Variants in EGFR observed in about 807,000 individuals in gnomAD.
EGFR encodes the protein avian erythroblastic leukemia viral (v-erb-b) oncogene homolog.
Under a neutral mutation model 143.0 loss-of-function variants are expected in EGFR, and 58 were observed. The ratio of observed to expected loss-of-function variants is 0.41; its 90% CI spans 0.33 to 0.50. The LOEUF is 0.50. Among genes scored for constraint, EGFR ranks in the 20% least tolerant of loss-of-function variants. The pLI is 0.39. For missense variants in EGFR, 1,307 were observed against 1,579.0 expected, an observed-to-expected ratio of 0.83 and a Z score of 2.92; for synonymous variants, 613 against 594.4, an observed-to-expected ratio of 1.03 and a Z score of -0.45.
At chr7:55,201,042 T>C (rs1787823696) in intron 24 of EGFR, 146 bp from the exon 25 acceptor site, 1 of 965,202 alleles carries the variant, frequency 1.0e-6, no homozygotes, top group African/African-American at 1.6e-5. Flanking sequence ...GAGGCAGCTA[T>C]AATTTAGAGA....
intron 16 of EGFR, among the ~76,000 whole-genome samples, chr7:55,172,533 G>A (rs1307423098): frequency 1.3e-5 from 2 of 151,690 alleles, no homozygotes; most frequent in Non-Finnish European, 2.9e-5. Flanking sequence ...TCTCAGCATT[G>A]CCAAAAAGTC....
rs1785438597 is a variant in EGFR at position 55,156,750 on chromosome 7, T to C, written c.1134-9T>C. 1 of 1,614,084 alleles carries C rather than the reference T, an allele frequency of 6.2e-7. No homozygotes were observed. Among genetic ancestry groups the C allele is most frequent in the South Asian group, 1.1e-5 (1 of 91,090 alleles). ...TGGTGATCAATAATCACCCTGTTGT[T>C]TGTTTCAGTGACTCCTTCACACATA... On this transcript the variant is annotated splice_polypyrimidine_tract_variant and intron_variant, in intron 9 of 27. Coordinates refer to ENST00000275493, the MANE Select transcript of EGFR (RefSeq NM_005228.5).
intron 22 of EGFR, among the ~76,000 whole-genome samples, chr7:55,194,773 T>C (rs1431302989): frequency 6.6e-6 from 1 of 152,234 alleles, no homozygotes; most frequent in African/African-American, 2.4e-5. Context: ...AGGAAGTCCG[T>C]TCCCACTGAA....
chr7:55,080,920 G>T (rs771387060), intron 1 of EGFR, among the ~76,000 whole-genome samples: 7 of 152,176 alleles, frequency 4.6e-5, no homozygotes, highest in Non-Finnish European at 1.0e-4. Flanking sequence ...GGACCCAGGG[G>T]TGATCTAGTG....
In EGFR at chr7:55,065,378, G is replaced by A. The variant is rs562434937; in HGVS notation, c.88+46013G>A. Among the ~76,000 whole-genome samples the A allele has an allele frequency of 7.9e-5, 12 of 152,328 alleles. No individual in the cohort carries two copies. The South Asian group carries it at 1.4e-3, about 18-fold the overall frequency. The stretch of plus-strand genomic sequence containing the variant: ...CGCAGGGTGAGTCTAAAGGGTTAAT[G>A]CACTTTCAAAAGCCTCTAATTTGTT... On this transcript the variant is annotated intron_variant, in intron 1 of 27. Coordinates refer to ENST00000275493, the MANE Select transcript of EGFR (RefSeq NM_005228.5).
At chr7:55,144,831 G>A (rs1435971575) in intron 3 of EGFR, among the ~76,000 whole-genome samples, 1 of 152,136 alleles carries the variant, frequency 6.6e-6, no homozygotes, top group Non-Finnish European at 1.5e-5. Flanking sequence ...AGATGGCTCG[G>A]GAGCACATTC....
intron 18 of EGFR, among the ~76,000 whole-genome samples, 167 bp downstream of exon 18, chr7:55,174,210 C>A (rs925123785): frequency 1.3e-5 from 2 of 152,188 alleles, no homozygotes; most frequent in East Asian, 1.9e-4. Flanking sequence ...GAGAGGAAAT[C>A]TTTTATAACC....
At chr7:55,121,926 A>T (rs1256940656) in intron 1 of EGFR, among the ~76,000 whole-genome samples, 1 of 152,204 alleles carries the variant, frequency 6.6e-6, no homozygotes, top group Non-Finnish European at 1.5e-5. Context: ...CCTGCTGCCC[A>T]GTTCAGTCCA....
rs17172450 is a variant in EGFR, at chr7:55,146,480, T to C, written c.425-126T>C. 5,360 of 1,481,502 alleles carry C rather than the reference T, an allele frequency of 3.6e-3. 73 individuals carry two copies. In the African/African-American group the frequency reaches 0.045, roughly 12 times the overall value. The allele number at this position is 1,481,502 out of a possible 1,614,324, so 91.8% of individuals were successfully genotyped here. A position where few individuals can be genotyped will look rare whatever the true frequency, so the allele number is the denominator to read the frequency against. On this transcript the variant is annotated intron_variant, in intron 3 of 27. Coordinates refer to ENST00000275493, the MANE Select transcript of EGFR (RefSeq NM_005228.5). Reference sequence around the variant, plus strand: ...CCCCCCGGGAAGTTCACTGGGCTAATTGCGGGACTCTTGTTCGCACCATGG... The same window carrying C: ...CCCCCCGGGAAGTTCACTGGGCTAACTGCGGGACTCTTGTTCGCACCATGG...
At chr7:55,044,958 C>G (rs1220149254) in intron 1 of EGFR, among the ~76,000 whole-genome samples, 1 of 152,202 alleles carries the variant, frequency 6.6e-6, no homozygotes, top group Non-Finnish European at 1.5e-5. Context: ...CTGTGATTCT[C>G]TTGGCTCCGT....
chr7:55,036,462 A>G (rs932857329), intron 1 of EGFR, among the ~76,000 whole-genome samples: 1 of 152,162 alleles, frequency 6.6e-6, no homozygotes, highest in Non-Finnish European at 1.5e-5. Context: ...TGAAAAATTC[A>G]GGGAGTGCAC....
rs1028468567 is a variant in EGFR, at chr7:55,089,081, G to A, written c.89-53205G>A. Among the ~76,000 whole-genome samples, 5 of 149,716 alleles carry A rather than the reference G, an allele frequency of 3.3e-5. No homozygotes were observed. The South Asian group carries it at 6.5e-4, about 20-fold the overall frequency. On this transcript the variant is annotated intron_variant, in intron 1 of 27. Transcript: ENST00000275493. ...ACAAATATATGTACAAATAAAGGTC[G>A]ATCATTTAGGTTTTGTTTATATTTT...
At chr7:55,117,495 T>C (rs989415105) in intron 1 of EGFR, among the ~76,000 whole-genome samples, 2 of 152,208 alleles carry the variant, frequency 1.3e-5, no homozygotes, top group Non-Finnish European at 2.9e-5. Flanking sequence ...CCATGGTTGC[T>C]GCCCTAGGAG....
chr7:55,141,479 G>A (rs1479686247), intron 1 of EGFR, among the ~76,000 whole-genome samples: 1 of 152,152 alleles, frequency 6.6e-6, no homozygotes, highest in Non-Finnish European at 1.5e-5. Flanking sequence ...GGAAGTAACT[G>A]TGCCTCCGCC....
At chr7:55,121,235 T>C (rs1007518175) in intron 1 of EGFR, among the ~76,000 whole-genome samples, 4 of 152,320 alleles carry the variant, frequency 2.6e-5, no homozygotes, top group Admixed American at 2.0e-4. Flanking sequence ...GATTGAGGGA[T>C]AAAACTCTGA....
At chr7:55,151,255 A>T (rs767885569) in intron 4 of EGFR, 39 bp from the exon 5 acceptor site, 14 of 1,601,908 alleles carry the variant, frequency 8.7e-6, no homozygotes, top group Non-Finnish European at 1.2e-5. Context: ...GTTTCTCATC[A>T]TTTCACTGAG....
At chr7:55,049,679 G>A (rs1562668891) in intron 1 of EGFR, among the ~76,000 whole-genome samples, 1 of 152,060 alleles carries the variant, frequency 6.6e-6, no homozygotes, top group Non-Finnish European at 1.5e-5. Flanking sequence ...TGCCAGCACA[G>A]CCTATTGCAG....
chr7:55,144,189 G>T (rs1006189268), intron 3 of EGFR, among the ~76,000 whole-genome samples: 4 of 152,134 alleles, frequency 2.6e-5, no homozygotes, highest in Non-Finnish European at 4.4e-5. Flanking sequence ...ACTTATGATG[G>T]CATCCTATCT....
At chr7:55,144,716 A>G (rs1334285980) in intron 3 of EGFR, among the ~76,000 whole-genome samples, 1 of 151,908 alleles carries the variant, frequency 6.6e-6, no homozygotes, top group Admixed American at 6.5e-5. Context: ...ACCGGTTCCT[A>G]CAGTGCGCCT....
Sources: allele counts gnomAD v4.1 joint callset (sites outside exome capture counted in the v4.1 genomes callset), GRCh38; gene constraint gnomAD v4.1.1; transcripts MANE v1.5; gene names NCBI Gene and HGNC (gene_info 2026-07-23, HGNC 2026-07-21).